CR1: variants seen among roughly 807,000 people sequenced by gnomAD.
The protein encoded by CR1 is complement receptor type 1.
In CR1, 116 loss-of-function variants were observed where a neutral mutation model predicts 187.3. The observed-to-expected ratio is 0.62, with a 90% CI of 0.53 to 0.72. The LOEUF is 0.72. Ranked by LOEUF, CR1 falls within the 30% of genes least tolerant of loss-of-function variation. The pLI is 0.00. For missense variants in CR1, 1,731 were observed against 2,110.7 expected (o/e 0.82, Z 3.52); for synonymous variants, 576 against 747.1 (o/e 0.77, Z 3.73).
chr1:207,509,852 T>C (rs1477991260), intron 3 of CR1, among the ~76,000 whole-genome samples: 2 of 152,132 alleles, frequency 1.3e-5, no homozygotes. Context: ...ACTTCATACT[T>C]GTGTTTATGT....
intron 35 of CR1, among the ~76,000 whole-genome samples, chr1:207,598,421 C>CTT (rs11392366): frequency 7.1e-4 from 106 of 148,480 alleles, no homozygotes; most frequent in Middle Eastern, 3.5e-3. Context: ...AAGACAAGAA[C>CTT]TTTTTTTTTT....
At chr1:207,507,798 C>A (rs1183135887) in intron 3 of CR1, among the ~76,000 whole-genome samples, 2 of 151,960 alleles carry the variant, frequency 1.3e-5, no homozygotes, top group Admixed American at 1.3e-4. Flanking sequence ...ATTGAAAACT[C>A]ATGTTCACAC....
At chr1:207,496,603 C>T (rs1659096184) in intron 1 of CR1, among the ~76,000 whole-genome samples, 2 of 152,188 alleles carry the variant, frequency 1.3e-5, no homozygotes, top group Admixed American at 1.3e-4. Context: ...GCGTGGAGTT[C>T]CCAGGTGCAG....
rs146306121 is a variant in CR1 at position 207,619,355 on chromosome 1, C to T, written c.7067-525C>T. On this transcript the variant is annotated intron_variant, in intron 42 of 46. Transcript: ENST00000367049. ...CCCAGATCGCGCCACTGCACTCCTG[C>T]CTGGGTGACACAGTGAGACTCAAAA... Among the ~76,000 whole-genome samples the T allele has an allele frequency of 4.2e-3, 586 of 140,662 alleles. 4 individuals are homozygous for T. Among genetic ancestry groups the T allele is most frequent in the African/African-American group, 0.015 (561 of 37,216 alleles). The allele number at this position is 140,662 out of a possible 152,430, so 92.3% of individuals were successfully genotyped here. A position where few individuals can be genotyped will look rare whatever the true frequency, so the allele number is the denominator to read the frequency against.
chr1:207,639,534 A>T lies in CR1; in HGVS notation c.*125A>T. On this transcript the variant is annotated 3_prime_UTR_variant, in exon 47 of 47. Transcript: ENST00000367049. ...GAAGTGACTTCACAGAGACGCAGAC[A>T]TGTGCACTTGAAGATGCTGCCCCTT... 2.2e-6 allele frequency: 2 copies of T among 903,878 alleles called. No homozygotes were observed. The highest frequency in any genetic ancestry group is 3.4e-6 in the Non-Finnish European group (2 of 582,148). The allele number at this position is 903,878 out of a possible 1,614,324, so 56.0% of individuals were successfully genotyped here.
At chr1:207,567,695 T>C (rs1660547268) in intron 24 of CR1, 129 bp from the exon 25 acceptor site, 1 of 1,302,462 alleles carries the variant, frequency 7.7e-7, no homozygotes, top group Non-Finnish European at 1.1e-6. Flanking sequence ...ATCCAACTCT[T>C]CAAAGTCCTA....
intron 35 of CR1, among the ~76,000 whole-genome samples, chr1:207,592,103 C>A (rs573122002): frequency 1.3e-5 from 2 of 152,278 alleles, no homozygotes; most frequent in South Asian, 4.1e-4. Flanking sequence ...ATGAGGCCAG[C>A]ATCATCCTGA....
intron 36 of CR1, among the ~76,000 whole-genome samples, chr1:207,608,746 A>G (rs1285221515): frequency 6.6e-6 from 1 of 152,206 alleles, no homozygotes; most frequent in African/African-American, 2.4e-5. Context: ...TAATTGAGTC[A>G]ATACTGGTTA....
intron 1 of CR1, among the ~76,000 whole-genome samples, chr1:207,504,917 T>C (rs1659382359): frequency 6.6e-6 from 1 of 152,182 alleles, no homozygotes; most frequent in African/African-American, 2.4e-5. Context: ...CTCCACCTCC[T>C]GTCAGATTAG....
At chr1:207,498,614 C>G (rs1482494004) in intron 1 of CR1, among the ~76,000 whole-genome samples, 1 of 152,082 alleles carries the variant, frequency 6.6e-6, no homozygotes, top group Non-Finnish European at 1.5e-5. Flanking sequence ...GACAGTGGCT[C>G]ATGCCCATAA....
At chr1:207,584,554 A>T (rs1661052102) in intron 32 of CR1, 95 bp from the exon 33 acceptor site, 1 of 1,440,656 alleles carries the variant, frequency 6.9e-7, no homozygotes, top group Non-Finnish European at 9.4e-7. Flanking sequence ...AGTACGCTTA[A>T]TTGGCAACAC....
rs183049427 is a variant in CR1, at chr1:207,509,939, G to A, written c.402-1630G>A. Among the ~76,000 whole-genome samples the A allele has an allele frequency of 1.7e-4, 26 of 152,294 alleles. No homozygotes were observed. In the East Asian group the frequency reaches 4.6e-3, roughly 27 times the overall value. On this transcript the variant is annotated intron_variant, in intron 3 of 46. Coordinates refer to ENST00000367049, the MANE Select transcript of CR1 (RefSeq NM_000651.6). ...GCATTAAAAAACAAAATAAGGCCGGGTGTGCTGGCTGTAATCCCAGCACTT... is the reference window on the plus strand; with the variant it reads ...GCATTAAAAAACAAAATAAGGCCGGATGTGCTGGCTGTAATCCCAGCACTT...
intron 35 of CR1, among the ~76,000 whole-genome samples, chr1:207,594,574 A>G (rs1302867578): frequency 3.3e-5 from 5 of 152,192 alleles, no homozygotes; most frequent in Non-Finnish European, 7.3e-5. Flanking sequence ...CACGTCCTGC[A>G]CATGTATCCC....
At position 207,581,973 on chromosome 1, in the gene CR1, C is replaced by T; in HGVS notation, c.5272C>T (p.Leu1758Phe). The T allele has an allele frequency of 6.2e-7, 1 of 1,613,048 alleles. No individual in the cohort carries two copies. The highest frequency in any genetic ancestry group is 8.5e-7 in the Non-Finnish European group (1 of 1,179,290). Residue 1758 changes from leucine (L) to phenylalanine (F), a missense_variant, in exon 32 of 47, where the codon CTT (leucine) becomes TTT (phenylalanine). Leu to Phe is a conservative substitution (Grantham distance 22). Coordinates refer to ENST00000367049, the MANE Select transcript of CR1 (RefSeq NM_000651.6). ...TTGTGTCTTGGTTGGAATGAGAAGC[C>T]TTTGGAATAACAGTGTTCCTGTGTG... Reference protein sequence around the residue: ...SHCVLVGMRSLWNNSVPVCEH... With the variant: ...SHCVLVGMRSFWNNSVPVCEH...
At chr1:207,589,833 A>G (rs1661218697) in intron 35 of CR1, among the ~76,000 whole-genome samples, 1 of 152,242 alleles carries the variant, frequency 6.6e-6, no homozygotes, top group Non-Finnish European at 1.5e-5. Flanking sequence ...ACAAGTATCA[A>G]TAGCCGAATC....
At chr1:207,519,818 G>A (rs1659919567) in intron 4 of CR1, among the ~76,000 whole-genome samples, 1 of 151,972 alleles carries the variant, frequency 6.6e-6, no homozygotes, top group African/African-American at 2.4e-5. Context: ...TACAGAAACA[G>A]CCGATTGGTT....
chr1:207,567,616 A>C lies in CR1; in HGVS notation c.3953-208A>C, dbSNP rs1469471202. On this transcript the variant is annotated intron_variant, in intron 24 of 46. Transcript: ENST00000367049. Reference sequence around the variant, plus strand: ...TTTCTACTGTCCAGGAACTGTTACTATCCGGAAGATTCAGGATAGACAAAT... The same window carrying C: ...TTTCTACTGTCCAGGAACTGTTACTCTCCGGAAGATTCAGGATAGACAAAT... Among the ~76,000 whole-genome samples the C allele has an allele frequency of 2.0e-5, 3 of 150,352 alleles. 1 individual carries two copies. The highest frequency in any genetic ancestry group is 7.6e-5 in the African/African-American group (3 of 39,706).
intron 1 of CR1, among the ~76,000 whole-genome samples, chr1:207,499,353 T>G (rs1659194642): frequency 6.6e-6 from 1 of 152,158 alleles, no homozygotes; most frequent in African/African-American, 2.4e-5. Flanking sequence ...ACAAAATACG[T>G]GAGGCAAAAC....
At chr1:207,630,426 C>T in intron 45 of CR1, 91 bp from the exon 46 acceptor site, 2 of 802,098 alleles carry the variant, frequency 2.5e-6, no homozygotes, top group Non-Finnish European at 3.7e-6. Context: ...CAAATAATAC[C>T]TTAAATTTCA....
Sources: allele counts gnomAD v4.1 joint callset (sites outside exome capture counted in the v4.1 genomes callset), GRCh38; gene constraint gnomAD v4.1.1; transcripts MANE v1.5; gene names NCBI Gene and HGNC (gene_info 2026-07-23, HGNC 2026-07-21).